ZBTB7C: variants seen among roughly 807,000 people sequenced by gnomAD.
The protein encoded by ZBTB7C is zinc finger and BTB domain containing 7C.
A neutral mutation model predicts 25.7 loss-of-function variants in ZBTB7C; 8 were observed. That is an observed-to-expected ratio of 0.31 (90% CI 0.18 to 0.56). The LOEUF is 0.56. Ranked by LOEUF, ZBTB7C falls within the 20% of genes least tolerant of loss-of-function variation. The probability of loss-of-function intolerance (pLI) is 0.91; values close to 1 mark genes in which losing one functional copy is unlikely to be tolerated. For missense variants in ZBTB7C, 824 were observed against 855.2 expected (o/e 0.96, Z 0.46); for synonymous variants, 394 against 369.0 (o/e 1.07, Z -0.78).
intron 2 of ZBTB7C, among the ~76,000 whole-genome samples, chr18:48,255,730 C>A (rs144595416): frequency 9.7e-4 from 147 of 152,302 alleles, no homozygotes; most frequent in African/African-American, 3.5e-3. Context: ...CATTAGAACA[C>A]TCATTCCATT....
In ZBTB7C at chr18:48,028,223, C is replaced by A. The variant is rs959010197; in HGVS notation, c.*1037G>T. ...GTGGCCCCCATCTCTTCGATGTTGG[C>A]CCTGAGAGCCCCAAGACACTGCACA... On this transcript the variant is annotated 3_prime_UTR_variant, in exon 5 of 5. Transcript: ENST00000590800. 1 of 152,194 alleles carries A rather than the reference C, an allele frequency of 6.6e-6. No individual in the cohort carries two copies. The highest frequency in any genetic ancestry group is 2.4e-5 in the African/African-American group (1 of 41,438). The allele number at this position is 152,194 out of a possible 1,614,324, so 9.4% of individuals were successfully genotyped here. A position where few individuals can be genotyped will look rare whatever the true frequency, so the allele number is the denominator to read the frequency against.
rs58032897 is a variant in ZBTB7C, at chr18:48,403,757, C to A, written c.-304+5469G>T. Among the ~76,000 whole-genome samples the A allele has an allele frequency of 3.3e-3, 501 of 152,248 alleles. 4 individuals are homozygous for A. The East Asian group carries it at 0.038, about 11-fold the overall frequency. On this transcript the variant is annotated intron_variant, in intron 1 of 4. Transcript: ENST00000590800. ...GCTCAGGTGATGGGTGCACCAAAAT[C>A]TCAGTAAGCACCACTAAAGAACTTA...
intron 2 of ZBTB7C, among the ~76,000 whole-genome samples, chr18:48,319,041 G>GT (rs1238844018): frequency 1.3e-5 from 2 of 152,068 alleles, no homozygotes; most frequent in African/African-American, 4.8e-5. Context: ...GCATCAGAGA[G>GT]TAAGGTCGCT....
chr18:48,228,747 T>A (rs9956126), intron 2 of ZBTB7C, among the ~76,000 whole-genome samples: 115,165 of 141,018 alleles, frequency 0.82, 48,770 homozygotes, highest in Non-Finnish European at 0.94. Context: ...TCTCTCTCTC[T>A]CACACACACA....
chr18:48,391,985 T>C (rs923399604), intron 1 of ZBTB7C, among the ~76,000 whole-genome samples: 1 of 152,234 alleles, frequency 6.6e-6, no homozygotes, highest in African/African-American at 2.4e-5. Context: ...GTGAGGACTT[T>C]GCTCCTCTGT....
chr18:48,070,205 CAT>C (rs942246701), intron 3 of ZBTB7C, among the ~76,000 whole-genome samples: 2 of 152,216 alleles, frequency 1.3e-5, no homozygotes, highest in African/African-American at 2.4e-5. Context: ...TTGCTAAACA[CAT>C]AGCAGCGAAT....
upstream of ZBTB7C, chr18:48,410,810 T>C (rs530322265): frequency 6.6e-6 from 1 of 152,298 alleles, no homozygotes; most frequent in East Asian, 1.9e-4. Context: ...AGCGGGAAAG[T>C]TTGTCGTCCT....
intron 3 of ZBTB7C, among the ~76,000 whole-genome samples, chr18:48,090,006 C>T (rs1465636712): frequency 3.3e-5 from 5 of 152,298 alleles, no homozygotes; most frequent in South Asian, 4.1e-4. Context: ...GAGTGTGGTC[C>T]GTGGCAGGGC....
chr18:48,121,563 C>A (rs1454040800), intron 3 of ZBTB7C, among the ~76,000 whole-genome samples: 1 of 152,178 alleles, frequency 6.6e-6, no homozygotes, highest in Non-Finnish European at 1.5e-5. Flanking sequence ...TTGGTACATA[C>A]CTGCAGTAAC....
At chr18:48,149,131 TGTGTGCGCGCGTGTGTGTGCACGCAC>T (rs2040588067) in intron 3 of ZBTB7C, 1 of 150,258 alleles carries the variant, frequency 6.7e-6, no homozygotes, top group South Asian at 2.1e-4. Flanking sequence ...CAGGCCTGTG[TGTGTGCGCGCGTGTGTGTGCACGCAC>T]GTGTGTGCGA....
intron 3 of ZBTB7C, among the ~76,000 whole-genome samples, chr18:48,044,679 C>A (rs761582622): frequency 6.6e-6 from 1 of 152,232 alleles, no homozygotes; most frequent in Non-Finnish European, 1.5e-5. Context: ...CTCCTTGGCC[C>A]CAAGCTCTTT....
chr18:48,114,942 T>G (rs1426602210), intron 3 of ZBTB7C, among the ~76,000 whole-genome samples: 1 of 152,252 alleles, frequency 6.6e-6, no homozygotes, highest in African/African-American at 2.4e-5. Flanking sequence ...AAATTTGCCA[T>G]TTTAACCACA....
At position 48,029,613 on chromosome 18, in the gene ZBTB7C, C is replaced by T; in HGVS notation, c.1507G>A (p.Ala503Thr). The T allele has an allele frequency of 6.7e-7, 1 of 1,489,618 alleles. No individual in the cohort carries two copies. The highest frequency in any genetic ancestry group is 8.8e-7 in the Non-Finnish European group (1 of 1,130,616). The allele number at this position is 1,489,618 out of a possible 1,614,324, so 92.3% of individuals were successfully genotyped here. The change falls in exon 5 of 5, where the codon GCG (alanine) becomes ACG (threonine). Residue 503 changes from alanine (A) to threonine (T), a missense_variant. Around this residue, in one of 4 missense-constraint regions of ZBTB7C, gnomAD observed 342 missense variants for 307.0 expected, o/e 1.11. Coordinates refer to ENST00000590800, the MANE Select transcript of ZBTB7C (RefSeq NM_001318841.2). ...FGPGGPAPDK[A>T]AFVMPPALGE... ...AGCGCAGGGGGCATCACGAAGGCCG[C>T]CTTGTCGGGGGCCGGGCCGCCGGGC...
At chr18:48,281,348 A>G (rs1451648583) in intron 2 of ZBTB7C, among the ~76,000 whole-genome samples, 2 of 152,164 alleles carry the variant, frequency 1.3e-5, no homozygotes, top group Admixed American at 1.3e-4. Flanking sequence ...ACCTAAAACC[A>G]TAAAAACCCT....
chr18:48,300,830 C>A (rs997010824), intron 2 of ZBTB7C, among the ~76,000 whole-genome samples: 1 of 152,234 alleles, frequency 6.6e-6, no homozygotes, highest in African/African-American at 2.4e-5. Context: ...AAGGACACTG[C>A]CAGGGCAGAG....
At chr18:48,162,476 A>G (rs928111831) in intron 3 of ZBTB7C, 1 of 443,706 alleles carries the variant, frequency 2.3e-6, no homozygotes, top group African/African-American at 2.0e-5. Context: ...GGGACTTCAT[A>G]GACAGTTGTT....
chr18:48,076,222 T>A (rs1339124419), intron 3 of ZBTB7C, among the ~76,000 whole-genome samples: 1 of 152,216 alleles, frequency 6.6e-6, no homozygotes, highest in Non-Finnish European at 1.5e-5. Context: ...GTGACCTGAC[T>A]TTAGTTTTCA....
chr18:48,190,457 T>G (rs1167071541), intron 2 of ZBTB7C, among the ~76,000 whole-genome samples: 1 of 152,140 alleles, frequency 6.6e-6, no homozygotes, highest in African/African-American at 2.4e-5. Flanking sequence ...GTAGACAAGA[T>G]GACGGAGGCA....
intron 3 of ZBTB7C, among the ~76,000 whole-genome samples, chr18:48,073,070 A>G (rs772496966): frequency 6.6e-5 from 10 of 152,206 alleles, no homozygotes; most frequent in Non-Finnish European, 1.3e-4. Flanking sequence ...CAATGTGGAA[A>G]CCAGGCCCAG....
Sources: allele counts gnomAD v4.1 joint callset (sites outside exome capture counted in the v4.1 genomes callset), GRCh38; gene constraint gnomAD v4.1.1; regional missense constraint gnomAD v4.1.1; transcripts MANE v1.5; gene names NCBI Gene and HGNC (gene_info 2026-07-23, HGNC 2026-07-21).